GPR158: variants seen among roughly 807,000 people sequenced by gnomAD.
GPR158 encodes G protein-coupled receptor 158, also known as metabotropic glycine receptor.
Under a neutral mutation model 78.2 loss-of-function variants are expected in GPR158, and 30 were observed. The ratio of observed to expected loss-of-function variants is 0.38; its 90% CI spans 0.29 to 0.52. The LOEUF is 0.52. Ranked by LOEUF, GPR158 falls within the 20% of genes least tolerant of loss-of-function variation. The pLI is 0.83. For missense variants in GPR158, 1,463 were observed against 1,523.5 expected (o/e 0.96, Z 0.66); for synonymous variants, 581 against 591.1 (o/e 0.98, Z 0.25).
At chr10:25,472,867 A>G (rs1275819795) in intron 5 of GPR158, among the ~76,000 whole-genome samples, 2 of 152,254 alleles carry the variant, frequency 1.3e-5, no homozygotes, top group African/African-American at 2.4e-5. Context: ...GAGACACTGG[A>G]GTTTTCTAAA....
intron 2 of GPR158, among the ~76,000 whole-genome samples, chr10:25,325,775 T>C (rs1855021183): frequency 6.6e-6 from 1 of 152,188 alleles, no homozygotes; most frequent in African/African-American, 2.4e-5. Flanking sequence ...CCAGCCCTTG[T>C]TATCTTTTGT....
intron 1 of GPR158, among the ~76,000 whole-genome samples, chr10:25,215,798 G>A (rs1168727157): frequency 1.3e-5 from 2 of 152,196 alleles, no homozygotes; most frequent in Non-Finnish European, 2.9e-5. Context: ...TCGTGCCACT[G>A]TACTCCAGCC....
At chr10:25,298,680 A>G (rs1854549919) in intron 2 of GPR158, among the ~76,000 whole-genome samples, 1 of 152,162 alleles carries the variant, frequency 6.6e-6, no homozygotes, top group Non-Finnish European at 1.5e-5. Context: ...CATAAACATC[A>G]TGGCCTGTGT....
At chr10:25,312,363 C>T (rs1854778074) in intron 2 of GPR158, among the ~76,000 whole-genome samples, 1 of 152,036 alleles carries the variant, frequency 6.6e-6, no homozygotes, top group Non-Finnish European at 1.5e-5. Flanking sequence ...AAAATTACCA[C>T]TGATCTCATC....
intron 7 of GPR158, among the ~76,000 whole-genome samples, chr10:25,573,545 G>A (rs1298670279): frequency 1.3e-5 from 2 of 152,132 alleles, no homozygotes; most frequent in African/African-American, 4.8e-5. Flanking sequence ...TGGCAGCCCA[G>A]TGTTTTGAAA....
intron 2 of GPR158, among the ~76,000 whole-genome samples, chr10:25,285,025 T>G (rs1019623993): frequency 2.6e-5 from 4 of 151,926 alleles, no homozygotes; most frequent in Non-Finnish European, 5.9e-5. Context: ...TAAAAGGCAA[T>G]TCTGTATATT....
chr10:25,570,488 TGA>T (rs1423579990), intron 6 of GPR158, among the ~76,000 whole-genome samples: 2 of 152,246 alleles, frequency 1.3e-5, no homozygotes, highest in African/African-American at 4.8e-5. Flanking sequence ...TGAAGTAATC[TGA>T]GTGTCGAATT....
chr10:25,585,283 C>T (rs937904627), intron 7 of GPR158, among the ~76,000 whole-genome samples: 8 of 152,170 alleles, frequency 5.3e-5, no homozygotes, highest in African/African-American at 1.9e-4. Flanking sequence ...ATCATTTAGA[C>T]TTACTCAACA....
At chr10:25,375,544 A>G (rs1272291688) in intron 2 of GPR158, among the ~76,000 whole-genome samples, 1 of 151,582 alleles carries the variant, frequency 6.6e-6, no homozygotes, top group Non-Finnish European at 1.5e-5. Flanking sequence ...TTTACATAGT[A>G]TCACATAAGA....
At chr10:25,549,236 C>T (rs1409074701) in intron 5 of GPR158, among the ~76,000 whole-genome samples, 1 of 152,110 alleles carries the variant, frequency 6.6e-6, no homozygotes, top group East Asian at 1.9e-4. Context: ...CCCCACATAC[C>T]TCAATCTTCT....
intron 4 of GPR158, among the ~76,000 whole-genome samples, chr10:25,444,668 A>G (rs1051453914): frequency 1.3e-5 from 2 of 151,528 alleles, no homozygotes; most frequent in African/African-American, 4.9e-5. Context: ...GTGTGTGTGT[A>G]TGCTGAATGA....
intron 2 of GPR158, among the ~76,000 whole-genome samples, chr10:25,367,188 G>T (rs893371471): frequency 4.5e-4 from 68 of 151,408 alleles, no homozygotes; most frequent in African/African-American, 1.6e-3. Context: ...TGGGAAGTAG[G>T]GGAAAATTTT....
chr10:25,479,490 C>T (rs1835633411), intron 5 of GPR158, among the ~76,000 whole-genome samples: 1 of 152,120 alleles, frequency 6.6e-6, no homozygotes, highest in Non-Finnish European at 1.5e-5. Context: ...ATCTTGCTCA[C>T]TGCAACCTGT....
intron 2 of GPR158, among the ~76,000 whole-genome samples, chr10:25,309,215 C>CTGTG (rs111485518): frequency 0.098 from 14,723 of 150,514 alleles, 1,486 homozygotes; most frequent in African/African-American, 0.25. Flanking sequence ...TTGTTATTTT[C>CTGTG]TGTGTGTGTG....
rs1171812053 is a variant in GPR158, at chr10:25,395,979, T to C, written c.1077T>C (p.Tyr359=). 1 of 1,606,524 alleles carries C rather than the reference T, an allele frequency of 6.2e-7. No homozygotes were observed. The highest frequency in any genetic ancestry group is 1.1e-5 in the South Asian group (1 of 90,910). The change falls in exon 3 of 11, where the codon TAT becomes TAC. Residue 359 remains tyrosine (Y), a synonymous_variant. Coordinates refer to ENST00000376351, the MANE Select transcript of GPR158 (RefSeq NM_020752.3). ...AGTGCATTTGCAAAGCAGGATTCTA[T>C]CATCCTGGAGTCTTACCAGTGAACA... ...AYECICKAGF[Y]HPGVLPVNNF...
intron 2 of GPR158, among the ~76,000 whole-genome samples, chr10:25,385,612 C>T (rs1459704426): frequency 6.6e-6 from 1 of 152,124 alleles, no homozygotes; most frequent in Non-Finnish European, 1.5e-5. Flanking sequence ...ATTTTTTCCA[C>T]ATCCTCAGAA....
chr10:25,299,207 T>G (rs549494897), intron 2 of GPR158, among the ~76,000 whole-genome samples: 1 of 152,270 alleles, frequency 6.6e-6, no homozygotes, highest in South Asian at 2.1e-4. Flanking sequence ...AATTAACATG[T>G]TCACCATCTC....
At chr10:25,488,481 A>G (rs1835762074) in intron 5 of GPR158, among the ~76,000 whole-genome samples, 1 of 152,164 alleles carries the variant, frequency 6.6e-6, no homozygotes, top group Non-Finnish European at 1.5e-5. Context: ...TTCACAATGC[A>G]TATATGTTAT....
At chr10:25,428,250 C>G (rs1204312916) in intron 4 of GPR158, among the ~76,000 whole-genome samples, 1 of 151,946 alleles carries the variant, frequency 6.6e-6, no homozygotes, top group African/African-American at 2.4e-5. Flanking sequence ...TATCTATTTT[C>G]TTGTCACTTG....
Sources: gnomAD v4.1 joint callset for allele counts (sites outside exome capture counted in the v4.1 genomes callset) on GRCh38, gnomAD v4.1.1 for gene constraint, MANE v1.5 for transcripts, NCBI Gene and HGNC (gene_info 2026-07-23, HGNC 2026-07-21) for gene names.